Variants in FAM222A observed in about 807,000 individuals in gnomAD.
FAM222A encodes protein FAM222A.
In FAM222A, 7 loss-of-function variants were observed where a neutral mutation model predicts 25.8. That is an observed-to-expected ratio of 0.27 (90% confidence interval 0.15 to 0.51). FAM222A has a LOEUF of 0.51. FAM222A is among the 20% of genes least tolerant of loss of function. The pLI, the probability that FAM222A is intolerant of heterozygous loss-of-function variation, is 0.97. For missense variants in FAM222A, 573 were observed against 640.5 expected (o/e 0.89, Z 1.14); for synonymous variants, 294 against 298.8 (o/e 0.98, Z 0.17).
At chr12:109,729,258 ACAT>A (rs1415215563) in intron 1 of FAM222A, among the ~76,000 whole-genome samples, 8 of 152,138 alleles carry the variant, frequency 5.3e-5, no homozygotes, top group African/African-American at 1.2e-4. Flanking sequence ...ATTGGCAAAC[ACAT>A]CATAAGTTTT....
chr12:109,761,409 C>A (rs544287604), intron 2 of FAM222A, among the ~76,000 whole-genome samples: 1 of 152,310 alleles, frequency 6.6e-6, no homozygotes, highest in South Asian at 2.1e-4. Context: ...GCCCCTCCCC[C>A]CATCCTAAAT....
chr12:109,764,553 A>G (rs1028114282), intron 2 of FAM222A, among the ~76,000 whole-genome samples: 2 of 152,254 alleles, frequency 1.3e-5, no homozygotes, highest in South Asian at 4.1e-4. Flanking sequence ...TGGTGAGGAC[A>G]AATGAGTTTT....
intron 1 of FAM222A, among the ~76,000 whole-genome samples, chr12:109,719,279 G>A (rs1228397972): frequency 2.0e-5 from 3 of 152,306 alleles, no homozygotes; most frequent in African/African-American, 4.8e-5. Flanking sequence ...CCCAGAGAAG[G>A]TATTATACTT....
intron 1 of FAM222A, among the ~76,000 whole-genome samples, chr12:109,715,756 CAGAGCAACTTTCTGTT>C (rs368047481): frequency 0.013 from 1,981 of 152,312 alleles, 50 homozygotes; most frequent in African/African-American, 0.046. Flanking sequence ...GCCTCCCAGA[CAGAGCAACTTTCTGTT>C]TTGAAAAGAG....
intron 1 of FAM222A, among the ~76,000 whole-genome samples, chr12:109,723,132 G>C (rs890483815): frequency 7.2e-5 from 11 of 152,158 alleles, no homozygotes; most frequent in Non-Finnish European, 1.5e-4. Context: ...GGTAGCAGCA[G>C]GGGTGGCAAG....
intron 2 of FAM222A, among the ~76,000 whole-genome samples, chr12:109,753,997 A>AGGGCCAGGAGC (rs1394902338): frequency 6.6e-6 from 1 of 152,230 alleles, no homozygotes; most frequent in Non-Finnish European, 1.5e-5. Flanking sequence ...TCAGAGATGA[A>AGGGCCAGGAGC]GGGCCAGGAG....
intron 2 of FAM222A, 114 bp from the exon 3 acceptor site, chr12:109,767,898 G>A: frequency 2.9e-6 from 3 of 1,050,154 alleles, no homozygotes; most frequent in Non-Finnish European, 4.1e-6. Flanking sequence ...AATGTAGAAG[G>A]AATAAGGAGT....
chr12:109,757,914 C>G (rs1013816541), intron 2 of FAM222A, among the ~76,000 whole-genome samples: 12 of 152,154 alleles, frequency 7.9e-5, no homozygotes, highest in African/African-American at 2.9e-4. Context: ...CAAACACAGA[C>G]AAATCTGGGG....
intron 2 of FAM222A, among the ~76,000 whole-genome samples, chr12:109,759,752 G>A (rs954277912): frequency 7.9e-5 from 12 of 152,212 alleles, no homozygotes; most frequent in African/African-American, 2.7e-4. Context: ...CCCAGATGCT[G>A]CCTGGCGGCT....
chr12:109,736,322 C>T (rs1888084042), intron 1 of FAM222A, among the ~76,000 whole-genome samples: 1 of 152,208 alleles, frequency 6.6e-6, no homozygotes, highest in African/African-American at 2.4e-5. Flanking sequence ...ATAAACAATG[C>T]TAACAACGGG....
chr12:109,744,856 C>T, intron 2 of FAM222A: 1 of 838,072 alleles, frequency 1.2e-6, no homozygotes, highest in Non-Finnish European at 1.4e-6. Flanking sequence ...GCTCTGGTAA[C>T]ATAGGCCTGT....
chr12:109,733,340 TATTAA>T (rs1420335849), intron 1 of FAM222A, among the ~76,000 whole-genome samples: 1 of 152,236 alleles, frequency 6.6e-6, no homozygotes, highest in Non-Finnish European at 1.5e-5. Flanking sequence ...TAAAATATAT[TATTAA>T]ATTTAATTTC....
chr12:109,768,816 C>T lies in FAM222A; in HGVS notation c.887C>T (p.Pro296Leu), dbSNP rs1292956253. 5.7e-6 allele frequency: 9 copies of T among 1,573,448 alleles called. No individual in the cohort carries two copies. Among genetic ancestry groups the T allele is most frequent in the Admixed American group, 1.8e-5 (1 of 55,912 alleles). Residue 296 changes from proline to leucine, a missense_variant, in exon 3 of 3, where the codon CCG (proline) becomes CTG (leucine). Pro to Leu is a moderately conservative substitution (Grantham distance 98). Coordinates refer to ENST00000538780, the MANE Select transcript of FAM222A (RefSeq NM_032829.3). ...LLWPQKPPPP[P>L]PQPLRAYSGS... Reference sequence around the variant, plus strand: ...TGGCCGCAGAAACCGCCCCCACCGCCGCCCCAGCCACTGCGTGCCTACAGT... The same window carrying T: ...TGGCCGCAGAAACCGCCCCCACCGCTGCCCCAGCCACTGCGTGCCTACAGT...
intron 1 of FAM222A, among the ~76,000 whole-genome samples, chr12:109,736,817 C>T (rs954705887): frequency 3.9e-5 from 6 of 152,148 alleles, no homozygotes; most frequent in African/African-American, 1.2e-4. Context: ...GGCTCTTGCG[C>T]CGGGAGCTGG....
At chr12:109,732,934 A>T (rs1284334115) in intron 1 of FAM222A, among the ~76,000 whole-genome samples, 1 of 152,236 alleles carries the variant, frequency 6.6e-6, no homozygotes, top group East Asian at 1.9e-4. Context: ...GAAGAGACAG[A>T]CACTAAACCA....
chr12:109,736,035 C>G (rs1888076268), intron 1 of FAM222A: 1 of 152,344 alleles, frequency 6.6e-6, no homozygotes, highest in Non-Finnish European at 1.5e-5. Flanking sequence ...ACTGCCCCTC[C>G]TTCTGGCACC....
chr12:109,752,640 G>A (rs575004804), intron 2 of FAM222A, among the ~76,000 whole-genome samples: 54 of 108,104 alleles, frequency 5.0e-4, no homozygotes, highest in African/African-American at 1.9e-3. Context: ...TCCTCCCTCT[G>A]TAAAACAAGG....
At chr12:109,743,923 G>C in intron 1 of FAM222A, 178 bp from the exon 2 acceptor site, 1 of 985,452 alleles carries the variant, frequency 1.0e-6, no homozygotes, top group Non-Finnish European at 1.2e-6. Context: ...TGAGGCCACA[G>C]ATGGGCCTCT....
At chr12:109,741,345 T>G (rs1023093245) in intron 1 of FAM222A, among the ~76,000 whole-genome samples, 4 of 152,184 alleles carry the variant, frequency 2.6e-5, no homozygotes, top group Non-Finnish European at 5.9e-5. Flanking sequence ...AATGGGAGGA[T>G]GTAGGCAGCT....
Sources: allele counts gnomAD v4.1 joint callset (sites outside exome capture counted in the v4.1 genomes callset), GRCh38; gene constraint gnomAD v4.1.1; transcripts MANE v1.5; gene names NCBI Gene and HGNC (gene_info 2026-07-23, HGNC 2026-07-21).